Variants in RDH8 observed in about 807,000 individuals in gnomAD.
RDH8 encodes retinol dehydrogenase 8, also known as photoreceptor outer segment all-trans retinol dehydrogenase.
A neutral mutation model predicts 22.3 loss-of-function variants in RDH8; 14 were observed. The observed-to-expected ratio is 0.63, with a 90% CI of 0.42 to 0.98. The LOEUF is 0.98. RDH8 is among the 50% of genes least tolerant of loss of function. The pLI is 0.00. For missense variants in RDH8, 389 were observed against 409.8 expected (o/e 0.95, Z 0.44); for synonymous variants, 175 against 171.7 (o/e 1.02, Z -0.15).
chr19:10,018,506 G>T (rs1183454884), intron 2 of RDH8, among the ~76,000 whole-genome samples: 1 of 152,134 alleles, frequency 6.6e-6, no homozygotes, highest in Admixed American at 6.5e-5. Flanking sequence ...TGGATTAAGG[G>T]GGGCACTATT....
At chr19:10,021,190 A>AAC in intron 4 of RDH8, 65 bp from the exon 5 acceptor site, 11 of 1,439,286 alleles carry the variant, frequency 7.6e-6, no homozygotes, top group Non-Finnish European at 7.6e-6. Flanking sequence ...AAAAAAAAAA[A>AAC]TGGACAAAAT....
Position 10,020,951 on chromosome 19 carries a change from C to G in RDH8, c.536+149C>G, listed in dbSNP as rs928191453. The G allele has an allele frequency of 3.8e-5, 26 of 676,290 alleles. No individual in the cohort carries two copies. In the East Asian group the frequency reaches 7.1e-4, roughly 18 times the overall value. The allele number at this position is 676,290 out of a possible 1,614,324, so 41.9% of individuals were successfully genotyped here. On this transcript the variant is annotated intron_variant, in intron 4 of 5. Coordinates refer to ENST00000591589, the MANE Select transcript of RDH8 (RefSeq NM_015725.4). The stretch of plus-strand genomic sequence containing the variant: ...TTTTGAGAGGCTGAAATGGGAGGAT[C>G]GCTTGAGGTCAGGCATTTGAGACCA...
chr19:10,013,690 T>C (rs1418816576), intron 1 of RDH8, 90 bp downstream of exon 1: 1 of 1,408,772 alleles, frequency 7.1e-7, no homozygotes, highest in African/African-American at 1.4e-5. Context: ...CAGCTGCACT[T>C]GTGGGCTTGG....
At chr19:10,018,162 C>T (rs1315191801) in intron 2 of RDH8, among the ~76,000 whole-genome samples, 2 of 152,082 alleles carry the variant, frequency 1.3e-5, no homozygotes, top group Non-Finnish European at 2.9e-5. Context: ...TCAGGCTGGT[C>T]TCGAAGCCTG....
At chr19:10,013,666 C>T in intron 1 of RDH8, 66 bp downstream of exon 1, 3 of 1,535,322 alleles carry the variant, frequency 2.0e-6, no homozygotes, top group Non-Finnish European at 1.8e-6. Context: ...ACTGTCTCCC[C>T]TACCCATCCC....
Position 10,021,665 on chromosome 19 carries a change from C to T in RDH8, c.852C>T (p.Leu284=). 6.2e-7 allele frequency: 1 copy of T among 1,614,174 alleles called. No individual in the cohort carries two copies. Among genetic ancestry groups the T allele is most frequent in the Middle Eastern group, 1.6e-4 (1 of 6,062 alleles). Reference sequence around the variant, plus strand: ...TGTATGTGCGAACGACCCACCGCCTCCTCTTCCGCTGTCCACGCCTCCTCA... The same window carrying T: ...TGTATGTGCGAACGACCCACCGCCTTCTCTTCCGCTGTCCACGCCTCCTCA... ...GSLYVRTTHR[L]LFRCPRLLNL... The change falls in exon 6 of 6, where the codon CTC becomes CTT. Residue 284 remains leucine, a synonymous_variant. Coordinates refer to ENST00000591589, the MANE Select transcript of RDH8 (RefSeq NM_015725.4).
At chr19:10,014,414 C>T (rs922487260) in intron 1 of RDH8, among the ~76,000 whole-genome samples, 16 of 152,162 alleles carry the variant, frequency 1.1e-4, no homozygotes, top group African/African-American at 3.9e-4. Context: ...CTGCTGGAGG[C>T]TAATGTTTAT....
intron 1 of RDH8, 131 bp downstream of exon 1, chr19:10,013,731 C>A: frequency 1.2e-6 from 1 of 860,636 alleles, no homozygotes; most frequent in South Asian, 1.6e-5. Flanking sequence ...AGGAATCATC[C>A]CCTCATCCTA....
intron 1 of RDH8, among the ~76,000 whole-genome samples, chr19:10,015,380 G>T (rs924192918): frequency 4.6e-5 from 7 of 151,996 alleles, no homozygotes; most frequent in Admixed American, 3.9e-4. Context: ...GTGAACCTGT[G>T]GGGTGGAGCT....
In RDH8 at chr19:10,013,519, G is replaced by A; in HGVS notation, c.22G>A (p.Val8Met). The stretch of plus-strand genomic sequence containing the variant: ...CAACATGGCCGCTGCACCCCGGACT[G>A]TGTTGATCTCCGGCTGCTCATCAGG... MAAAPRT[V>M]LISGCSSGIG... Residue 8 changes from valine (V) to methionine (M), a missense_variant, in exon 1 of 6, where the codon GTG (valine) becomes ATG (methionine). Transcript: ENST00000591589. 6.2e-7 allele frequency: 1 copy of A among 1,613,708 alleles called. No homozygotes were observed. Among genetic ancestry groups the A allele is most frequent in the African/African-American group, 1.3e-5 (1 of 75,000 alleles).
Position 10,016,248 on chromosome 19 carries a change from G to A in RDH8, c.104-809G>A, listed in dbSNP as rs368240286. On this transcript the variant is annotated intron_variant, in intron 1 of 5. Coordinates refer to ENST00000591589, the MANE Select transcript of RDH8 (RefSeq NM_015725.4). ...TGCAAGCTCCGCCTCCCGGGTTCAC[G>A]CCATTCTCCTGCCTCAGCCTCCCAA... Among the ~76,000 whole-genome samples the A allele has an allele frequency of 1.2e-4, 18 of 150,418 alleles. 1 individual carries two copies. The highest frequency in any genetic ancestry group is 2.9e-4 in the African/African-American group (12 of 41,024).
rs550579455 is a variant in RDH8 at position 10,017,354 on chromosome 19, C to T, written c.262+139C>T. ...GGGCAGAAGGGGTAGACCAGTTGGC[C>T]AAGAGGGGTAGACCAGTTGGTCCTA... On this transcript the variant is annotated intron_variant, in intron 2 of 5. Coordinates refer to ENST00000591589, the MANE Select transcript of RDH8 (RefSeq NM_015725.4). 33 of 864,294 alleles carry T rather than the reference C, an allele frequency of 3.8e-5. No individual in the cohort carries two copies. The African/African-American group carries it at 5.4e-4, about 14-fold the overall frequency. The allele number at this position is 864,294 out of a possible 1,614,324, so 53.5% of individuals were successfully genotyped here.
intron 4 of RDH8, 35 bp from the exon 5 acceptor site, chr19:10,021,220 G>A (rs535674430): frequency 1.9e-6 from 3 of 1,599,282 alleles, no homozygotes; most frequent in African/African-American, 2.7e-5. Flanking sequence ...AGTGGTTGGG[G>A]CATCAGACTT....
At position 10,021,577 on chromosome 19, in the gene RDH8, G is replaced by T. The variant is rs141852332; in HGVS notation, c.764G>T (p.Arg255Leu). ...AGCTCGACTCGACCACCCCTGCGCC[G>T]ACAGACCAACATCCGCTACTCGCCG... is the stretch of plus-strand genomic sequence containing the variant. ...VISSTRPPLR[R>L]QTNIRYSPLT... is the part of the protein sequence containing the mutation. Residue 255 changes from arginine (R) to leucine (L), a missense_variant, in exon 6 of 6, where the codon CGA (arginine) becomes CTA (leucine). By Grantham distance (102) the Arg-to-Leu change is moderately radical. Transcript: ENST00000591589. The T allele has an allele frequency of 4.3e-6, 7 of 1,613,976 alleles. No individual in the cohort carries two copies. In the Admixed American group the frequency reaches 8.3e-5, roughly 19 times the overall value.
rs1249540306 is a variant in RDH8 at position 10,021,372 on chromosome 19, C to A, written c.654C>A (p.Asp218Glu). 1 of 1,614,062 alleles carries A rather than the reference C, an allele frequency of 6.2e-7. No homozygotes were observed. Among genetic ancestry groups the A allele is most frequent in the Non-Finnish European group, 8.5e-7 (1 of 1,180,028 alleles). Residue 218 changes from aspartate (D) to glutamate (E), a missense_variant, in exon 5 of 6, where the codon GAC becomes GAA. Physicochemically the swap from Asp to Glu is conservative, Grantham distance 45 (BLOSUM62 2). Transcript: ENST00000591589. The stretch of plus-strand genomic sequence containing the variant: ...CTGAGACCCTGCACTACTTCCGGGA[C>A]CTCTATCTCCCAGCCTCCAGGAAGC... ...TDPETLHYFRDLYLPASRKLF... is the reference protein window; with the variant it reads ...TDPETLHYFRELYLPASRKLF...
chr19:10,016,391 G>A (rs10407312), intron 1 of RDH8, among the ~76,000 whole-genome samples: 4,694 of 149,944 alleles, frequency 0.031, 257 homozygotes, highest in African/African-American at 0.11. Context: ...TCCTGACCTC[G>A]TGATCTGCCC....
intron 2 of RDH8, among the ~76,000 whole-genome samples, chr19:10,018,374 A>G (rs1232657209): frequency 6.6e-6 from 1 of 152,224 alleles, no homozygotes; most frequent in Non-Finnish European, 1.5e-5. Flanking sequence ...TGGGAAAATT[A>G]CTTGGATGAG....
At position 10,018,712 on chromosome 19, in the gene RDH8, T is replaced by G; in HGVS notation, c.263-19T>G. On this transcript the variant is annotated intron_variant, in intron 2 of 5. Coordinates refer to ENST00000591589, the MANE Select transcript of RDH8 (RefSeq NM_015725.4). ...AGAGTGAGGGACTTTAAGGTAACCC[T>G]TAGTACCTCTTCTCTTAGTGAATAA... The G allele has an allele frequency of 6.3e-7, 1 of 1,581,328 alleles. No homozygotes were observed. The highest frequency in any genetic ancestry group is 8.6e-7 in the Non-Finnish European group (1 of 1,159,404).
At chr19:10,020,914 G>C in intron 4 of RDH8, 112 bp downstream of exon 4, 1 of 799,020 alleles carries the variant, frequency 1.3e-6, no homozygotes, top group Admixed American at 2.1e-5. Context: ...GCTCACACCT[G>C]TAAGTCCAGC....
Sources: allele counts gnomAD v4.1 joint callset (sites outside exome capture counted in the v4.1 genomes callset), GRCh38; gene constraint gnomAD v4.1.1; transcripts MANE v1.5; gene names NCBI Gene and HGNC (gene_info 2026-07-23, HGNC 2026-07-21).